The following GDAP1L1 variants were observed in gnomAD, a reference collection of about 807,000 sequenced individuals.
The protein encoded by GDAP1L1 is ganglioside-induced differentiation-associated protein 1-like 1.
In GDAP1L1, 21 loss-of-function variants were observed where a neutral mutation model predicts 37.1. The observed-to-expected ratio is 0.57, with a 90% CI of 0.40 to 0.81. The LOEUF (loss-of-function observed/expected upper bound fraction) is 0.81, where lower values mean the gene tolerates loss of function less well. Ranked by LOEUF, GDAP1L1 falls within the 40% of genes least tolerant of loss-of-function variation. GDAP1L1 has a pLI of 0.00. For synonymous variants in GDAP1L1, 193 were observed against 209.1 expected (o/e 0.92, Z 0.67); for missense variants, 362 against 491.6 (o/e 0.74, Z 2.49).
chr20:44,267,566 G>A (rs143095217), intron 5 of GDAP1L1, among the ~76,000 whole-genome samples: 36 of 150,014 alleles, frequency 2.4e-4, no homozygotes, highest in African/African-American at 8.3e-4. Context: ...AGCTGAGATT[G>A]TACCACTGCA....
At chr20:44,250,003 T>C (rs2073408918) in intron 1 of GDAP1L1, among the ~76,000 whole-genome samples, 1 of 152,204 alleles carries the variant, frequency 6.6e-6, no homozygotes, top group Non-Finnish European at 1.5e-5. Context: ...TCCTGGCATG[T>C]AGTAGGAGCT....
At chr20:44,261,150 G>A (rs1374030548) in intron 3 of GDAP1L1, among the ~76,000 whole-genome samples, 6 of 152,214 alleles carry the variant, frequency 3.9e-5, no homozygotes, top group Non-Finnish European at 5.9e-5. Context: ...GCCCAGCTGG[G>A]GGATGAGAGG....
In GDAP1L1 at chr20:44,279,292, T is replaced by C; in HGVS notation, c.1096T>C (p.Tyr366His). Residue 366 changes from tyrosine (Y) to histidine (H), a missense_variant, in exon 6 of 6, where the codon TAC (tyrosine) becomes CAC (histidine). Coordinates refer to ENST00000342560, the MANE Select transcript of GDAP1L1 (RefSeq NM_024034.6). ...YFAYWYLKKKYI is the reference protein window; with the variant it reads ...YFAYWYLKKKHI ...TGCCTACTGGTACCTCAAGAAAAAA[T>C]ACATCTAGGGCCAGGCCTGGGGCTT... The C allele has an allele frequency of 6.2e-7, 1 of 1,606,314 alleles. No individual in the cohort carries two copies. Among genetic ancestry groups the C allele is most frequent in the Non-Finnish European group, 8.5e-7 (1 of 1,173,984 alleles).
intron 5 of GDAP1L1, among the ~76,000 whole-genome samples, chr20:44,266,529 A>G (rs770645383): frequency 2.2e-4 from 33 of 152,090 alleles, no homozygotes; most frequent in Non-Finnish European, 4.1e-4. Flanking sequence ...TAGGACTTCC[A>G]TAACAAAATA....
intron 5 of GDAP1L1, among the ~76,000 whole-genome samples, chr20:44,277,541 G>A (rs1410297257): frequency 6.6e-6 from 1 of 152,164 alleles, no homozygotes; most frequent in African/African-American, 2.4e-5. Flanking sequence ...GCCTTACAGG[G>A]CTTGGGAGGG....
At chr20:44,251,582 C>CT (rs2073444664) in intron 1 of GDAP1L1, among the ~76,000 whole-genome samples, 1 of 152,240 alleles carries the variant, frequency 6.6e-6, no homozygotes, top group African/African-American at 2.4e-5. Context: ...CGTGTACCGC[C>CT]TCCCTTCACC....
intron 3 of GDAP1L1, among the ~76,000 whole-genome samples, chr20:44,262,652 A>G (rs61301913): frequency 0.028 from 4,228 of 148,874 alleles, 183 homozygotes; most frequent in African/African-American, 0.1. Flanking sequence ...ATGCTGTACC[A>G]TAGAGTTTAT....
In GDAP1L1 at chr20:44,269,683, GC is replaced by G. The variant is rs557824461; in HGVS notation, c.760+5125del. Among the ~76,000 whole-genome samples the G allele has an allele frequency of 1.8e-3, 277 of 152,302 alleles. 1 individual carries two copies. Among genetic ancestry groups the G allele is most frequent in the African/African-American group, 6.4e-3 (266 of 41,562 alleles). The stretch of plus-strand genomic sequence containing the variant: ...ACAGTGGCTCACACCTGTAATCCCA[GC>G]ACTTTGGGAGGCCAAGACAGGTGAA... On this transcript the variant is annotated intron_variant, in intron 5 of 5. Coordinates refer to ENST00000342560, the MANE Select transcript of GDAP1L1 (RefSeq NM_024034.6).
chr20:44,255,828 G>C (rs934482363), intron 1 of GDAP1L1, among the ~76,000 whole-genome samples: 1 of 152,146 alleles, frequency 6.6e-6, no homozygotes, highest in Non-Finnish European at 1.5e-5. Flanking sequence ...GGGGCCACTT[G>C]CCATCTTGCC....
chr20:44,253,823 C>T (rs1317166584), intron 1 of GDAP1L1, among the ~76,000 whole-genome samples: 1 of 152,226 alleles, frequency 6.6e-6, no homozygotes, highest in African/African-American at 2.4e-5. Context: ...GCCAGGGTGA[C>T]CCCAAAGCAG....
chr20:44,279,836 T>A lies in GDAP1L1; in HGVS notation c.*536T>A. The A allele has an allele frequency of 2.1e-6, 1 of 468,732 alleles. No individual in the cohort carries two copies. Among genetic ancestry groups the A allele is most frequent in the South Asian group, 1.6e-5 (1 of 64,168 alleles). 29.0% of individuals were successfully genotyped at this position (468,732 alleles called of 1,614,324 possible). A position where few individuals can be genotyped will look rare whatever the true frequency, so the allele number is the denominator to read the frequency against. ...AGGTCCCTGAAGATCAGAAGGGGCT[T>A]CACGCTTCTCCTGGACATGGACTAG... On this transcript the variant is annotated 3_prime_UTR_variant, in exon 6 of 6. Transcript: ENST00000342560.
At chr20:44,269,579 T>G (rs761692258) in intron 5 of GDAP1L1, among the ~76,000 whole-genome samples, 6 of 152,038 alleles carry the variant, frequency 3.9e-5, no homozygotes, top group Non-Finnish European at 5.9e-5. Context: ...GAGAGGTATT[T>G]TGAAGATAAA....
intron 5 of GDAP1L1, among the ~76,000 whole-genome samples, chr20:44,265,704 TC>T (rs1371488668): frequency 6.6e-6 from 1 of 152,198 alleles, no homozygotes; most frequent in African/African-American, 2.4e-5. Context: ...ACACTGCCTG[TC>T]CCATTACTAG....
chr20:44,257,409 C>A, intron 2 of GDAP1L1, 64 bp downstream of exon 2: 1 of 1,454,644 alleles, frequency 6.9e-7, no homozygotes, highest in Admixed American at 1.9e-5. Flanking sequence ...TCCCCACAGG[C>A]TCAGACGGGG....
intron 5 of GDAP1L1, among the ~76,000 whole-genome samples, chr20:44,277,214 A>G (rs1568660013): frequency 6.6e-6 from 1 of 151,790 alleles, no homozygotes; most frequent in African/African-American, 2.4e-5. Flanking sequence ...TAGTAGAGCC[A>G]CCCCGGCCTC....
chr20:44,248,064 C>T (rs1421564700), intron 1 of GDAP1L1, among the ~76,000 whole-genome samples: 1 of 152,198 alleles, frequency 6.6e-6, no homozygotes, highest in African/African-American at 2.4e-5. Flanking sequence ...GCCCACCCCC[C>T]ACTCCGTGTC....
At chr20:44,250,434 G>A (rs1416987255) in intron 1 of GDAP1L1, among the ~76,000 whole-genome samples, 6 of 152,176 alleles carry the variant, frequency 3.9e-5, no homozygotes, top group Non-Finnish European at 8.8e-5. Context: ...AATAGCACGT[G>A]GCACATAGAA....
At chr20:44,262,176 G>A (rs1372544436) in intron 3 of GDAP1L1, among the ~76,000 whole-genome samples, 2 of 152,086 alleles carry the variant, frequency 1.3e-5, no homozygotes, top group East Asian at 3.9e-4. Context: ...AGATATCTCT[G>A]GTAGGGGTGG....
intron 3 of GDAP1L1, among the ~76,000 whole-genome samples, 188 bp downstream of exon 3, chr20:44,258,795 G>GGCTC (rs2073616090): frequency 6.7e-6 from 1 of 150,272 alleles, no homozygotes; most frequent in Non-Finnish European, 1.5e-5. Flanking sequence ...CACTCTGCTG[G>GGCTC]TCTCTCTCTC....
Sources: gnomAD v4.1 joint callset for allele counts (sites outside exome capture counted in the v4.1 genomes callset) on GRCh38, gnomAD v4.1.1 for gene constraint, MANE v1.5 for transcripts, NCBI Gene and HGNC (gene_info 2026-07-23, HGNC 2026-07-21) for gene names.